UXT: variants seen among roughly 807,000 people sequenced by gnomAD.
UXT encodes protein UXT.
For synonymous variants in UXT, 54 were observed against 52.8 expected (o/e 1.02, Z -0.10); for missense variants, 111 against 132.7 (o/e 0.84, Z 0.80).
chrX:47,655,530 T>A (rs1464894551), intron 4 of UXT, among the ~76,000 whole-genome samples: 1 of 112,137 alleles, frequency 8.9e-6, no homozygotes, highest in Non-Finnish European at 1.9e-5. Context: ...AGAACAGACA[T>A]AAACACAAAA....
chrX:47,657,437 C>T, intron 3 of UXT, 135 bp downstream of exon 4: 1 of 800,932 alleles, frequency 1.2e-6, no homozygotes, highest in South Asian at 2.5e-5. Flanking sequence ...ATCCCCAGCA[C>T]CTAGCTTATA....
intron 1 of UXT, 88 bp downstream of exon 2, chrX:47,658,742 G>A: frequency 9.5e-7 from 1 of 1,048,202 alleles, no homozygotes; most frequent in Non-Finnish European, 1.2e-6. Flanking sequence ...CGCCTCGCCC[G>A]CCAATTCAAA....
chrX:47,656,201 C>T (rs1200527112), intron 4 of UXT, among the ~76,000 whole-genome samples: 1 of 111,775 alleles, frequency 8.9e-6, no homozygotes, highest in Non-Finnish European at 1.9e-5. Flanking sequence ...TACAGCAGTG[C>T]GCCTGTAGTC....
intron 4 of UXT, among the ~76,000 whole-genome samples, chrX:47,655,320 G>A (rs2058080353): frequency 8.9e-6 from 1 of 112,198 alleles, no homozygotes; most frequent in Admixed American, 9.4e-5. Flanking sequence ...CACCAGTTCA[G>A]AATTGTGTTG....
At position 47,651,823 on chromosome X, in the gene UXT, T is replaced by C. The variant is rs1410839066; in HGVS notation, c.*19A>G. 8.3e-7 allele frequency: 1 copy of C among 1,209,233 alleles called. No homozygotes were observed. The highest frequency in any genetic ancestry group is 1.7e-5 in the African/African-American group (1 of 57,641). ...AAAGGCATTCAGGCTCTTTAATGTC[T>C]GAGGATGGGGGGAAGAAGTCAATGG... On this transcript the variant is annotated 3_prime_UTR_variant, in exon 6 of 6. Transcript: ENST00000335890.
Position 47,657,273 on chromosome X carries a change from A to G in UXT, c.302T>C (p.Ile101Thr). ...AAAACCATATCCCAGGGCCACATAG[A>G]TGCGTGAAGTATCTGGGCTGAGGAA... The change falls in exon 4 of 6, where the codon ATC becomes ACC. Residue 101 changes from isoleucine to threonine, a missense_variant. Transcript: ENST00000335890. 1 of 1,204,426 alleles carries G rather than the reference A, an allele frequency of 8.3e-7. No individual in the cohort carries two copies. Among genetic ancestry groups the G allele is most frequent in the Non-Finnish European group, 1.1e-6 (1 of 890,895 alleles).
intron 4 of UXT, among the ~76,000 whole-genome samples, chrX:47,655,260 A>C (rs925329339): frequency 2.7e-5 from 3 of 112,425 alleles, no homozygotes; most frequent in Admixed American, 9.4e-5. Flanking sequence ...AGCCTGGGCG[A>C]CAAGAGCAAA....
In UXT at chrX:47,658,831, G is replaced by T; in HGVS notation, c.133C>A (p.Arg45=). 3 of 1,140,678 alleles carry T rather than the reference G, an allele frequency of 2.6e-6. No individual in the cohort carries two copies. The highest frequency in any genetic ancestry group is 3.5e-6 in the Non-Finnish European group (3 of 860,476). The allele number at this position is 1,140,678 out of a possible 1,213,427, so 94.0% of individuals were successfully genotyped here. A position where few individuals can be genotyped will look rare whatever the true frequency, so the allele number is the denominator to read the frequency against. ...CCCGCCCCCCGCACTGTCACTCACC[G>T]CAAGTCCCGCTGCAGCACGTCACTG... is the stretch of plus-strand genomic sequence containing the variant. Residue 45 remains arginine, a splice_region_variant and synonymous_variant, in exon 1 of 6, where the codon CGA becomes AGA. Transcript: ENST00000335890.
chrX:47,658,585 C>A (rs2058091670), intron 1 of UXT, among the ~76,000 whole-genome samples: 1 of 112,184 alleles, frequency 8.9e-6, no homozygotes, highest in African/African-American at 3.2e-5. Context: ...AGAACTGTGG[C>A]TCCAGAAAAC....
intron 4 of UXT, among the ~76,000 whole-genome samples, chrX:47,654,602 T>A (rs1203065223): frequency 1.8e-5 from 2 of 111,800 alleles, no homozygotes; most frequent in Non-Finnish European, 3.8e-5. Context: ...ATTTCATCCC[T>A]TCCACTTCCC....
intron 4 of UXT, among the ~76,000 whole-genome samples, chrX:47,654,587 T>A (rs147123338): frequency 9.0e-6 from 1 of 111,665 alleles, no homozygotes; most frequent in African/African-American, 3.3e-5. Context: ...GGAAAGAATA[T>A]AGAGATTTCA....
At chrX:47,657,663 T>C in intron 2 of UXT, 24 bp from the exon 4 acceptor site, 2 of 1,200,878 alleles carry the variant, frequency 1.7e-6, no homozygotes, top group Non-Finnish European at 1.1e-6. Context: ...GAAAAAGAGG[T>C]AGGGGTCAGT....
At chrX:47,658,809 G>GC (rs753024215) in intron 1 of UXT, 21 bp downstream of exon 2, 2 of 1,123,198 alleles carry the variant, frequency 1.8e-6, no homozygotes, top group South Asian at 2.3e-5. Context: ...CAAACGCCCC[G>GC]CCCCCCGCAC....
chrX:47,657,019 A>G (rs1000508259), intron 4 of UXT, 164 bp downstream of exon 5: 2 of 441,457 alleles, frequency 4.5e-6, no homozygotes, highest in African/African-American at 2.5e-5. Flanking sequence ...TTGAGTGCTT[A>G]TTATGTGCTA....
At chrX:47,658,783 A>G (rs758373526) in intron 1 of UXT, 47 bp downstream of exon 2, 15 of 1,093,028 alleles carry the variant, frequency 1.4e-5, no homozygotes, top group East Asian at 3.3e-5. Context: ...CGCCCCACCC[A>G]CCACGTGGAA....
intron 4 of UXT, among the ~76,000 whole-genome samples, chrX:47,653,412 C>T (rs182586025): frequency 9.0e-6 from 1 of 111,488 alleles, no homozygotes; most frequent in Non-Finnish European, 1.9e-5. Context: ...TTAATAAGTG[C>T]CTCATACTTA....
At chrX:47,653,103 A>G (rs1416979686) in intron 4 of UXT, among the ~76,000 whole-genome samples, 1 of 111,311 alleles carries the variant, frequency 9.0e-6, no homozygotes, top group Non-Finnish European at 1.9e-5. Context: ...TTGAGTGGGG[A>G]GGGAAAGTGG....
At chrX:47,652,519 A>G (rs773975195) in intron 4 of UXT, among the ~76,000 whole-genome samples, 1 of 112,612 alleles carries the variant, frequency 8.9e-6, no homozygotes, top group Non-Finnish European at 1.9e-5. Context: ...GGGGGCTGCA[A>G]TTTTAAAGAG....
rs367841646 is a variant in UXT, at chrX:47,656,113, C to T, written c.392+1070G>A. On this transcript the variant is annotated intron_variant, in intron 4 of 5. Transcript: ENST00000335890. Reference sequence around the variant, plus strand: ...CATTTTCTCTCCCCATCACCCCCAACACAGATCTGCTTCAATAACCACTTT... The same window carrying T: ...CATTTTCTCTCCCCATCACCCCCAATACAGATCTGCTTCAATAACCACTTT... 3.6e-5 allele frequency among the ~76,000 whole-genome samples: 4 copies of T among 111,935 alleles called. No individual in the cohort carries two copies. The East Asian group carries it at 1.1e-3, about 31-fold the overall frequency.
Sources: allele counts gnomAD v4.1 joint callset (sites outside exome capture counted in the v4.1 genomes callset), GRCh38; gene constraint gnomAD v4.1.1; transcripts MANE v1.5; gene names NCBI Gene and HGNC (gene_info 2026-07-23, HGNC 2026-07-21).